HDAC4: variants seen among roughly 807,000 people sequenced by gnomAD.
HDAC4 encodes histone deacetylase 4.
Under a neutral mutation model 135.1 loss-of-function variants are expected in HDAC4, and 16 were observed. The ratio of observed to expected loss-of-function variants is 0.12; its 90% CI spans 0.08 to 0.18. The LOEUF is 0.18. Ranked by LOEUF, HDAC4 falls within the 10% of genes least tolerant of loss-of-function variation. The pLI is 1.00. For synonymous variants in HDAC4, 685 were observed against 653.4 expected (o/e 1.05, Z -0.74); for missense variants, 1,143 against 1,511.8 (o/e 0.76, Z 4.05).
chr2:239,161,725 T>C (rs1559535359), intron 6 of HDAC4: 1 of 366,538 alleles, frequency 2.7e-6, no homozygotes, highest in Non-Finnish European at 5.3e-6. Context: ...CACGCCGCCC[T>C]TGTCCAGGCC....
chr2:239,245,994 C>T lies in HDAC4; in HGVS notation c.23-9330G>A, dbSNP rs2048437342. On this transcript the variant is annotated intron_variant, in intron 2 of 26. Coordinates refer to ENST00000543185, the MANE Select transcript of HDAC4 (RefSeq NM_001378414.1). This position sits in a 1 kb window ranked among gnomAD's most constrained non-coding sequence, Gnocchi z 4.4. ...CCGGCCCAGCAGAACCGGCAACCCA[C>T]ACTGGCTGCCTGCGTCCAGTCCCGC... Among the ~76,000 whole-genome samples the T allele has an allele frequency of 6.6e-6, 1 of 152,214 alleles. No individual in the cohort carries two copies. The highest frequency in any genetic ancestry group is 1.5e-5 in the Non-Finnish European group (1 of 68,038).
In HDAC4 at chr2:239,051,892, T is replaced by G. The variant is rs1335945410; in HGVS notation, c.*1205A>C. 1.3e-5 allele frequency: 2 copies of G among 151,418 alleles called. No homozygotes were observed. The highest frequency in any genetic ancestry group is 2.9e-5 in the Non-Finnish European group (2 of 67,928). 9.4% of individuals were successfully genotyped at this position (151,418 alleles called of 1,614,324 possible). A position where few individuals can be genotyped will look rare whatever the true frequency, so the allele number is the denominator to read the frequency against. ...TTTCTATAAATGCATTATAAATATT[T>G]TATCAAGATTTCATAAGAATCAAGT... On this transcript the variant is annotated 3_prime_UTR_variant, in exon 27 of 27. Coordinates refer to ENST00000543185, the MANE Select transcript of HDAC4 (RefSeq NM_001378414.1).
chr2:239,277,017 G>T (rs937582185), intron 2 of HDAC4, among the ~76,000 whole-genome samples: 3 of 152,026 alleles, frequency 2.0e-5, no homozygotes, highest in Non-Finnish European at 4.4e-5. Context: ...CCACTGCCGC[G>T]CCCTCCTGGG....
chr2:239,055,053 G>A, intron 24 of HDAC4: 1 of 475,278 alleles, frequency 2.1e-6, no homozygotes, highest in Non-Finnish European at 3.9e-6. Context: ...TAAGATATTT[G>A]TGGGTTCCTA....
intron 22 of HDAC4, among the ~76,000 whole-genome samples, chr2:239,076,141 C>T (rs775697718): frequency 2.0e-5 from 3 of 151,454 alleles, no homozygotes; most frequent in Non-Finnish European, 2.9e-5. Context: ...CAGTAGCAGG[C>T]GGGTGCCGGG....
At chr2:239,157,318 G>A (rs2042487857) in intron 6 of HDAC4, among the ~76,000 whole-genome samples, 1 of 151,964 alleles carries the variant, frequency 6.6e-6, no homozygotes. Context: ...ATCGTCATCC[G>A]TGCCTTCACC....
chr2:239,296,355 G>A (rs2051892986), intron 2 of HDAC4, among the ~76,000 whole-genome samples: 1 of 152,256 alleles, frequency 6.6e-6, no homozygotes, highest in African/African-American at 2.4e-5. Flanking sequence ...TGCAGACAGT[G>A]GCACAGGGCG....
chr2:239,148,143 C>T (rs1488948493), intron 7 of HDAC4, among the ~76,000 whole-genome samples: 1 of 152,172 alleles, frequency 6.6e-6, no homozygotes, highest in Non-Finnish European at 1.5e-5. Context: ...ACAGGGCGGG[C>T]AGGCAGAACT....
intron 3 of HDAC4, among the ~76,000 whole-genome samples, chr2:239,191,892 A>G (rs2044985115): frequency 6.6e-6 from 1 of 152,250 alleles, no homozygotes; most frequent in Non-Finnish European, 1.5e-5. Context: ...AGGTGACAGA[A>G]GCTTCTGAAT....
intron 3 of HDAC4, among the ~76,000 whole-genome samples, chr2:239,232,846 A>T (rs34515361): frequency 8.6e-5 from 3 of 34,920 alleles, no homozygotes; most frequent in African/African-American, 3.1e-4. Flanking sequence ...CCCTTCCCTC[A>T]CCAAGCCAAG....
At chr2:239,201,400 G>A (rs960325580) in intron 3 of HDAC4, among the ~76,000 whole-genome samples, 1 of 152,178 alleles carries the variant, frequency 6.6e-6, no homozygotes, top group Non-Finnish European at 1.5e-5. Context: ...CTCCGGAGTC[G>A]ATGGTCTTCC....
chr2:239,063,730 C>T (rs1047700983), intron 24 of HDAC4, among the ~76,000 whole-genome samples: 6 of 152,196 alleles, frequency 3.9e-5, no homozygotes, highest in Non-Finnish European at 8.8e-5. Context: ...CGTGAGGTGC[C>T]TGCACTTCTG....
rs6734218 is a variant in HDAC4 at position 239,285,429 on chromosome 2, C to T, written c.23-48765G>A. On this transcript the variant is annotated intron_variant, in intron 2 of 26. Transcript: ENST00000543185. This position sits in a 1 kb window ranked among gnomAD's most constrained non-coding sequence, Gnocchi z 4.5. ...GAAGCCTTACAGCAAGGGGTTCCAC[C>T]GAGGCTGGGGCTTCGCTAGTGTGCG... Among the ~76,000 whole-genome samples the T allele has an allele frequency of 0.032, 4,837 of 152,260 alleles. 267 individuals carry two copies. The highest frequency in any genetic ancestry group is 0.11 in the African/African-American group (4,565 of 41,530).
intron 3 of HDAC4, among the ~76,000 whole-genome samples, chr2:239,230,753 C>T (rs758915133): frequency 1.3e-5 from 2 of 152,210 alleles, no homozygotes; most frequent in Non-Finnish European, 2.9e-5. Context: ...ACCACGGGCT[C>T]TGTGTATGAA....
intron 12 of HDAC4, among the ~76,000 whole-genome samples, chr2:239,116,634 G>A (rs1014747039): frequency 2.6e-5 from 4 of 152,166 alleles, no homozygotes; most frequent in African/African-American, 9.7e-5. Flanking sequence ...CTTTCAAACG[G>A]GCCAGTGGAC....
rs959987488 is a variant in HDAC4, at chr2:239,111,471, T to C, written c.1978+55A>G. 3.4e-5 allele frequency: 52 copies of C among 1,531,754 alleles called. 1 individual carries two copies. Among genetic ancestry groups the C allele is most frequent in the Non-Finnish European group, 4.2e-5 (47 of 1,124,500 alleles). The allele number at this position is 1,531,754 out of a possible 1,614,324, so 94.9% of individuals were successfully genotyped here. On this transcript the variant is annotated intron_variant, in intron 14 of 26. Coordinates refer to ENST00000543185, the MANE Select transcript of HDAC4 (RefSeq NM_001378414.1). ...CTGGGCCGGGAAGAGCCCCCCGCGC[T>C]GTGCCCACTGTGGCCCGCGTTGCAC... is the stretch of plus-strand genomic sequence containing the variant.
intron 2 of HDAC4, among the ~76,000 whole-genome samples, chr2:239,250,451 C>T (rs1210547276): frequency 2.0e-5 from 3 of 152,246 alleles, no homozygotes; most frequent in Non-Finnish European, 2.9e-5. Context: ...GGGCCCCGCA[C>T]GGCCCAGCTC....
chr2:239,134,272 G>C lies in HDAC4; in HGVS notation c.1267C>G (p.Pro423Ala). The C allele has an allele frequency of 6.2e-7, 1 of 1,612,612 alleles. No homozygotes were observed. Among genetic ancestry groups the C allele is most frequent in the Non-Finnish European group, 8.5e-7 (1 of 1,180,002 alleles). The change falls in exon 11 of 27, where the codon CCG (proline) becomes GCG (alanine). Residue 423 changes from proline (P) to alanine (A), a missense_variant. Pro to Ala is a conservative substitution (Grantham distance 27, BLOSUM62 -1). Coordinates refer to ENST00000543185, the MANE Select transcript of HDAC4 (RefSeq NM_001378414.1). ...GTGACGAGGGGTGCTTGTGCCGGCG[G>C]CTGCTCCAGTAAGACCATGTGCTGC... ...LLQHMVLLEQ[P>A]PAQAPLVTDW...
intron 3 of HDAC4, among the ~76,000 whole-genome samples, chr2:239,205,452 C>T (rs369521400): frequency 1.3e-5 from 2 of 152,142 alleles, no homozygotes; most frequent in Non-Finnish European, 2.9e-5. Flanking sequence ...AAGCTAGAAT[C>T]GCATTCACAG....
Sources: gnomAD v4.1 joint callset for allele counts (sites outside exome capture counted in the v4.1 genomes callset) on GRCh38, gnomAD v4.1.1 for gene constraint, Gnocchi (gnomAD v3.1) non-coding constraint, MANE v1.5 for transcripts, NCBI Gene and HGNC (gene_info 2026-07-23, HGNC 2026-07-21) for gene names.